The following GPHB5 variants were observed in gnomAD, a reference collection of about 807,000 sequenced individuals.
GPHB5 encodes the protein glycoprotein hormone beta-5.
In GPHB5, 7 loss-of-function variants were observed where a neutral mutation model predicts 10.1. The ratio of observed to expected loss-of-function variants is 0.69; its 90% confidence interval spans 0.39 to 1.30. The LOEUF is 1.30. GPHB5 is among the 50% of genes most tolerant of loss of function. The pLI, the probability that GPHB5 is intolerant of heterozygous loss-of-function variation, is 0.01. For missense variants in GPHB5, 161 were observed against 169.8 expected, an observed-to-expected ratio of 0.95 and a Z score of 0.29; for synonymous variants, 68 against 70.1, an observed-to-expected ratio of 0.97 and a Z score of 0.15.
intron 2 of GPHB5, among the ~76,000 whole-genome samples, chr14:63,313,802 G>A (rs1315489437): frequency 6.6e-6 from 1 of 152,092 alleles, no homozygotes; most frequent in Non-Finnish European, 1.5e-5. Context: ...AGCATTTCCT[G>A]ACCATCCTAT....
chr14:63,315,533 T>C (rs1446675230), intron 2 of GPHB5, among the ~76,000 whole-genome samples: 1 of 152,188 alleles, frequency 6.6e-6, no homozygotes, highest in Non-Finnish European at 1.5e-5. Flanking sequence ...TTATTTTGTT[T>C]GTCTGTTTGT....
chr14:63,314,905 C>CTTTTTTTTTTTTTTTTTTTT (rs71120257), intron 2 of GPHB5, among the ~76,000 whole-genome samples: 6 of 75,346 alleles, frequency 8.0e-5, no homozygotes, highest in Admixed American at 1.2e-4. Flanking sequence ...TTTCTTTTTT[C>CTTTTTTTTTTTTTTTTTTTT]TTTTTTTTTT....
In GPHB5 at chr14:63,318,538, G is replaced by T. The variant is rs553654729; in HGVS notation, c.-2+286C>A. On this transcript the variant is annotated intron_variant, in intron 1 of 2. Coordinates refer to ENST00000621500, the MANE Select transcript of GPHB5 (RefSeq NM_145171.4). ...TCAATTTAAATCCAAATGATGGAAA[G>T]CATAGGAGTTATTTAAAACATAACC... Among the ~76,000 whole-genome samples, 7 of 152,258 alleles carry T rather than the reference G, an allele frequency of 4.6e-5. No homozygotes were observed. In the South Asian group the frequency reaches 8.3e-4, roughly 18 times the overall value.
Position 63,312,893 on chromosome 14 carries a change from C to A in GPHB5, c.*35G>T. 1 of 1,535,228 alleles carries A rather than the reference C, an allele frequency of 6.5e-7. No individual in the cohort carries two copies. The highest frequency in any genetic ancestry group is 8.8e-7 in the Non-Finnish European group (1 of 1,136,292). ...AGGAAGTATAACTGCATGTGCTGCT[C>A]ACACAGGTGGGTCTGCAGAGAGCAG... is the stretch of plus-strand genomic sequence containing the variant. On this transcript the variant is annotated 3_prime_UTR_variant, in exon 3 of 3. Transcript: ENST00000621500.
intron 2 of GPHB5, among the ~76,000 whole-genome samples, chr14:63,314,063 A>C (rs750122618): frequency 6.6e-6 from 1 of 152,224 alleles, no homozygotes; most frequent in Non-Finnish European, 1.5e-5. Context: ...AAACATTACA[A>C]GACAGGTTCC....
chr14:63,314,534 C>T (rs1882734600), intron 2 of GPHB5, among the ~76,000 whole-genome samples: 1 of 135,212 alleles, frequency 7.4e-6, no homozygotes, highest in Non-Finnish European at 1.6e-5. Context: ...CATTCTCCTG[C>T]CTCAGCCTCC....
rs1347997596 is a variant in GPHB5, at chr14:63,318,899, A to T, written c.-77T>A. 1 of 152,250 alleles carries T rather than the reference A, an allele frequency of 6.6e-6. No homozygotes were observed. Among genetic ancestry groups the T allele is most frequent in the African/African-American group, 2.4e-5 (1 of 41,470 alleles). 9.4% of individuals were successfully genotyped at this position (152,250 alleles called of 1,614,324 possible). A position where few individuals can be genotyped will look rare whatever the true frequency, so the allele number is the denominator to read the frequency against. On this transcript the variant is annotated 5_prime_UTR_variant, in exon 1 of 3. Coordinates refer to ENST00000621500, the MANE Select transcript of GPHB5 (RefSeq NM_145171.4). ...ATTTCAGGAAGTCACAATGAATGGT[A>T]GAAGTTTGCCCTGGGTAAATGTCTC...
chr14:63,317,547 C>T, intron 2 of GPHB5, 99 bp downstream of exon 2: 3 of 1,129,464 alleles, frequency 2.7e-6, no homozygotes, highest in African/African-American at 1.6e-5. Context: ...GGCAGATGTC[C>T]CAGCTCTACC....
chr14:63,317,303 C>T (rs1282341098), intron 2 of GPHB5, among the ~76,000 whole-genome samples: 3 of 152,276 alleles, frequency 2.0e-5, no homozygotes, highest in South Asian at 2.1e-4. Flanking sequence ...TTTACACTGA[C>T]GCTCTACGTG....
chr14:63,317,154 G>A (rs948796849), intron 2 of GPHB5, among the ~76,000 whole-genome samples: 5 of 152,176 alleles, frequency 3.3e-5, no homozygotes, highest in Admixed American at 6.5e-5. Context: ...AGGCAGTGAA[G>A]GGGTCTCACC....
chr14:63,317,574 G>A (rs1330009573), intron 2 of GPHB5, 72 bp downstream of exon 2: 2 of 1,435,620 alleles, frequency 1.4e-6, no homozygotes, highest in East Asian at 4.6e-5. Flanking sequence ...CATTTAAAAA[G>A]TGAACTCTTA....
chr14:63,317,444 T>C (rs1411424430), intron 2 of GPHB5, among the ~76,000 whole-genome samples: 2 of 152,214 alleles, frequency 1.3e-5, no homozygotes, highest in Non-Finnish European at 2.9e-5. Flanking sequence ...ACCTTATCAA[T>C]GCTTTGTTAG....
At chr14:63,315,210 C>T (rs545682701) in intron 2 of GPHB5, among the ~76,000 whole-genome samples, 10 of 152,262 alleles carry the variant, frequency 6.6e-5, no homozygotes, top group South Asian at 6.2e-4. Flanking sequence ...CCACCACGCC[C>T]GGCCAGCCTT....
At chr14:63,317,245 T>G (rs555711919) in intron 2 of GPHB5, among the ~76,000 whole-genome samples, 2 of 152,186 alleles carry the variant, frequency 1.3e-5, no homozygotes, top group East Asian at 1.9e-4. Flanking sequence ...TGAGGAAACA[T>G]AGGGAGGAGT....
rs747809481 is a variant in GPHB5, at chr14:63,312,896, AC to A, written c.*31del. The A allele has an allele frequency of 3.9e-6, 6 of 1,536,778 alleles. No individual in the cohort carries two copies. The highest frequency in any genetic ancestry group is 5.3e-6 in the Non-Finnish European group (6 of 1,136,698). On this transcript the variant is annotated 3_prime_UTR_variant, in exon 3 of 3. Transcript: ENST00000621500. Reference sequence around the variant, plus strand: ...AAGTATAACTGCATGTGCTGCTCACACAGGTGGGTCTGCAGAGAGCAGCTAG... The same window carrying A: ...AAGTATAACTGCATGTGCTGCTCACAAGGTGGGTCTGCAGAGAGCAGCTAG...
chr14:63,318,217 A>G (rs1288796714), intron 1 of GPHB5, among the ~76,000 whole-genome samples: 1 of 152,238 alleles, frequency 6.6e-6, no homozygotes, highest in Non-Finnish European at 1.5e-5. Context: ...AACAGAATAC[A>G]TGAATACATA....
intron 1 of GPHB5, among the ~76,000 whole-genome samples, chr14:63,318,574 G>C (rs79120756): frequency 6.6e-6 from 1 of 152,104 alleles, no homozygotes; most frequent in East Asian, 1.9e-4. Flanking sequence ...TCAATCCACC[G>C]TCAAGTCCAC....
chr14:63,317,939 G>C (rs769643146), intron 1 of GPHB5, 89 bp from the exon 2 acceptor site: 50 of 1,187,646 alleles, frequency 4.2e-5, no homozygotes, highest in Non-Finnish European at 5.7e-5. Context: ...ACTATCAAAG[G>C]GACCTTGCTC....
At chr14:63,317,527 C>T in intron 2 of GPHB5, 119 bp downstream of exon 2, 3 of 948,962 alleles carry the variant, frequency 3.2e-6, no homozygotes, top group South Asian at 1.8e-5. Flanking sequence ...TTTTTAAGTC[C>T]ACAGGAAAGG....
Sources: allele counts gnomAD v4.1 joint callset (sites outside exome capture counted in the v4.1 genomes callset), GRCh38; gene constraint gnomAD v4.1.1; transcripts MANE v1.5; gene names NCBI Gene and HGNC (gene_info 2026-07-23, HGNC 2026-07-21).